The following RADX variants were observed in gnomAD, a reference collection of about 807,000 sequenced individuals.
The protein encoded by RADX is RPA1 related single stranded DNA binding protein, X-linked.
A neutral mutation model predicts 61.6 loss-of-function variants in RADX; 36 were observed. That is an observed-to-expected ratio of 0.58 (90% confidence interval 0.45 to 0.77). The LOEUF (loss-of-function observed/expected upper bound fraction) is 0.77. Among genes scored for constraint, RADX ranks in the 30% least tolerant of loss-of-function variants. The pLI, the probability that RADX is intolerant of heterozygous loss-of-function variation, is 0.00. For synonymous variants in RADX, 272 were observed against 237.9 expected (o/e 1.14, Z -1.32); for missense variants, 497 against 651.1 (o/e 0.76, Z 2.58).
At chrX:106,640,474 A>G in intron 9 of RADX, 78 bp from the exon 10 acceptor site, 1 of 669,562 alleles carries the variant, frequency 1.5e-6, no homozygotes, top group Non-Finnish European at 2.2e-6. Context: ...AAAAATGAAT[A>G]CACTAAAATT....
At chrX:106,641,920 G>A (rs1362633710) in intron 10 of RADX, among the ~76,000 whole-genome samples, 1 of 111,573 alleles carries the variant, frequency 9.0e-6, no homozygotes, top group Non-Finnish European at 1.9e-5. Context: ...AATTGTACAT[G>A]ATTGGAAGTT....
At chrX:106,652,723 ACG>A (rs1491020998) in intron 11 of RADX, among the ~76,000 whole-genome samples, 1 of 108,063 alleles carries the variant, frequency 9.3e-6, no homozygotes, top group East Asian at 2.9e-4. Context: ...ACACACACAC[ACG>A]CCACTGAAAA....
chrX:106,622,548 CACTT>C, intron 1 of RADX, 99 bp from the exon 2 acceptor site: 2 of 674,866 alleles, frequency 3.0e-6, no homozygotes, highest in South Asian at 2.9e-5. Context: ...AAGAAGGAGT[CACTT>C]TAGGTATGAT....
At chrX:106,652,554 C>T (rs1927819741) in intron 11 of RADX, among the ~76,000 whole-genome samples, 1 of 109,603 alleles carries the variant, frequency 9.1e-6, no homozygotes, top group Non-Finnish European at 1.9e-5. Flanking sequence ...AATACAGTAA[C>T]AATCATGAAT....
At position 106,637,812 on chromosome X, in the gene RADX, A is replaced by C; in HGVS notation, c.1461A>C (p.Gln487His). 4 of 1,209,164 alleles carry C rather than the reference A, an allele frequency of 3.3e-6. No homozygotes were observed. Among genetic ancestry groups the C allele is most frequent in the Non-Finnish European group, 3.4e-6 (3 of 893,725 alleles). Residue 487 changes from glutamine (Q) to histidine (H), a missense_variant, in exon 8 of 14, where the codon CAA becomes CAC. Gln to His is a conservative substitution (Grantham distance 24). Around this residue, in one of 3 missense-constraint regions of RADX, gnomAD observed 267 missense variants for 306.9 expected, o/e 0.87. Transcript: ENST00000372548. ...TYDAKVKNFI[Q>H]WIRTKSDSGE... ...ATGCCAAGGTAAAAAACTTTATTCA[A>C]TGGATTAGAACAAAGTCTGATTCCG...
In RADX at chrX:106,652,049, T is replaced by C. The variant is rs763634209; in HGVS notation, c.1978+3663T>C. 5.6e-4 allele frequency among the ~76,000 whole-genome samples: 62 copies of C among 109,979 alleles called. 1 individual carries two copies. Among genetic ancestry groups the C allele is most frequent in the African/African-American group, 2.0e-3 (60 of 30,203 alleles). On this transcript the variant is annotated intron_variant, in intron 11 of 13. Transcript: ENST00000372548. ...TTTTTTAAGATAAAACACAAAATGA[T>C]ATAGCTGAGATAATTCTGAATTATC...
intron 11 of RADX, among the ~76,000 whole-genome samples, chrX:106,661,635 C>T (rs1481905570): frequency 1.8e-5 from 2 of 110,593 alleles, no homozygotes; most frequent in African/African-American, 6.6e-5. Context: ...AAATTTCCAC[C>T]AAGAGTGAGT....
chrX:106,640,429 T>C lies in RADX; in HGVS notation c.1735-123T>C, dbSNP rs1927480590. 3 of 446,517 alleles carry C rather than the reference T, an allele frequency of 6.7e-6. No homozygotes were observed. The Admixed American group carries it at 1.2e-4, about 17-fold the overall frequency. 36.8% of individuals were successfully genotyped at this position (446,517 alleles called of 1,213,427 possible). A position where few individuals can be genotyped will look rare whatever the true frequency, so the allele number is the denominator to read the frequency against. ...TTCAATCATTTTCATAAAAGCACTG[T>C]TATGATTGAAGTTTTGCCAGAACTG... On this transcript the variant is annotated intron_variant, in intron 9 of 13. Transcript: ENST00000372548.
At chrX:106,657,087 C>G (rs1376103431) in intron 11 of RADX, among the ~76,000 whole-genome samples, 2 of 112,370 alleles carry the variant, frequency 1.8e-5, no homozygotes, top group Non-Finnish European at 3.8e-5. Context: ...TCAGTGTAGC[C>G]ACCTTCATCA....
chrX:106,642,427 G>C (rs1159100554), intron 10 of RADX, among the ~76,000 whole-genome samples: 2 of 111,044 alleles, frequency 1.8e-5, no homozygotes, highest in African/African-American at 3.3e-5. Flanking sequence ...CCAGCTTCTG[G>C]TAACCGTCCT....
intron 13 of RADX, among the ~76,000 whole-genome samples, chrX:106,673,413 G>A (rs1928415411): frequency 9.0e-6 from 1 of 110,784 alleles, no homozygotes; most frequent in African/African-American, 3.3e-5. Context: ...AGTGTGTCTA[G>A]AAATAACATC....
At chrX:106,649,804 C>T (rs746295298) in intron 11 of RADX, among the ~76,000 whole-genome samples, 8 of 111,132 alleles carry the variant, frequency 7.2e-5, no homozygotes, top group Non-Finnish European at 1.3e-4. Context: ...AGACCAGTAG[C>T]AAAAGGAGGG....
At chrX:106,636,097 G>T (rs1027633444) in intron 6 of RADX, among the ~76,000 whole-genome samples, 7 of 111,788 alleles carry the variant, frequency 6.3e-5, no homozygotes, top group Non-Finnish European at 1.3e-4. Flanking sequence ...AGAGTTTAGT[G>T]TTAGTTAGGG....
chrX:106,673,671 C>A (rs1274312809), intron 13 of RADX, among the ~76,000 whole-genome samples: 1 of 81,646 alleles, frequency 1.2e-5, no homozygotes. Flanking sequence ...GGTTGTGTCT[C>A]CCCCCCATCC....
Position 106,664,217 on chromosome X carries a change from G to GT in RADX, c.2269+1924dup, listed in dbSNP as rs370561264. Reference sequence around the variant, plus strand: ...TGCTTTCTGGCAGGAAGGGAGAAGGGTTTTTTTTTTTTCAATTGTTATTGT... The same window carrying GT: ...TGCTTTCTGGCAGGAAGGGAGAAGGGTTTTTTTTTTTTTCAATTGTTATTGT... On this transcript the variant is annotated intron_variant, in intron 12 of 13. Coordinates refer to ENST00000372548, the MANE Select transcript of RADX (RefSeq NM_018015.6). Among the ~76,000 whole-genome samples, 222 of 99,882 alleles carry GT rather than the reference G, an allele frequency of 2.2e-3. 1 individual carries two copies. Among genetic ancestry groups the GT allele is most frequent in the African/African-American group, 2.8e-3 (79 of 28,247 alleles). 86.7% of individuals were successfully genotyped at this position (99,882 alleles called of 115,157 possible).
intron 1 of RADX, among the ~76,000 whole-genome samples, chrX:106,618,605 G>C (rs771854557): frequency 5.4e-5 from 6 of 110,782 alleles, no homozygotes; most frequent in Non-Finnish European, 1.1e-4. Context: ...GACCAGCCTA[G>C]ACCAGCCGAG....
At chrX:106,612,763 A>C in intron 1 of RADX, 40 bp downstream of exon 1, 1 of 1,134,185 alleles carries the variant, frequency 8.8e-7, no homozygotes, top group East Asian at 3.0e-5. Context: ...TTTAAAAAAA[A>C]TAGTTTTCAG....
At chrX:106,667,642 C>G (rs1055093322) in intron 12 of RADX, among the ~76,000 whole-genome samples, 4 of 111,337 alleles carry the variant, frequency 3.6e-5, no homozygotes, top group African/African-American at 1.3e-4. Context: ...TAGTTTTAAT[C>G]AAACAGCTCA....
chrX:106,641,115 T>C (rs987948527), intron 10 of RADX, among the ~76,000 whole-genome samples: 3 of 110,732 alleles, frequency 2.7e-5, no homozygotes, highest in Non-Finnish European at 5.7e-5. Context: ...ATACCACTCA[T>C]ATTGGATTAG....
Sources: gnomAD v4.1 joint callset for allele counts (sites outside exome capture counted in the v4.1 genomes callset) on GRCh38, gnomAD v4.1.1 for gene constraint, gnomAD v4.1.1 regional missense constraint, MANE v1.5 for transcripts, NCBI Gene and HGNC (gene_info 2026-07-23, HGNC 2026-07-21) for gene names.